The following RYR2 variants were observed in gnomAD, a reference collection of about 807,000 sequenced individuals.
RYR2 encodes the protein ryanodine receptor 2.
A neutral mutation model predicts 601.1 loss-of-function variants in RYR2; 227 were observed. The ratio of observed to expected loss-of-function variants is 0.38; its 90% CI spans 0.34 to 0.42. The LOEUF (loss-of-function observed/expected upper bound fraction) is 0.42, where lower values mean the gene tolerates loss of function less well. Ranked by LOEUF, RYR2 falls within the 10% of genes least tolerant of loss-of-function variation. RYR2 has a pLI of 1.00. For missense variants in RYR2, 4,646 were observed against 6,156.5 expected (o/e 0.75, Z 8.21); for synonymous variants, 2,223 against 2,175.1 (o/e 1.02, Z -0.61).
chr1:237,169,270 G>A (rs187252682), intron 1 of RYR2, among the ~76,000 whole-genome samples: 134 of 150,996 alleles, frequency 8.9e-4, no homozygotes, highest in African/African-American at 3.1e-3. Flanking sequence ...ATATGGATGG[G>A]TTACTCTGTG....
intron 80 of RYR2, among the ~76,000 whole-genome samples, chr1:237,754,246 C>A (rs115282199): frequency 6.6e-6 from 1 of 150,938 alleles, no homozygotes; most frequent in African/African-American, 2.4e-5. Flanking sequence ...AGTGACCTGT[C>A]CAGGGAGTTT....
In RYR2 at chr1:237,594,885, G is replaced by GGTTTTTTTTGTTTTTTTTTTTT. The variant is rs773047111; in HGVS notation, c.4437-604_4437-603insGTTTTTTTTTTTTGTTTTTTTT. 8.9e-5 allele frequency among the ~76,000 whole-genome samples: 7 copies of GGTTTTTTTTGTTTTTTTTTTTT among 79,048 alleles called. 1 individual carries two copies. The highest frequency in any genetic ancestry group is 5.9e-4 in the South Asian group (1 of 1,698). 51.9% of individuals were successfully genotyped at this position (79,048 alleles called of 152,430 possible). A position where few individuals can be genotyped will look rare whatever the true frequency, so the allele number is the denominator to read the frequency against. ...GTGGCATTTGTGGTTAATATCACTG[G>GGTTTTTTTTGTTTTTTTTTTTT]GTTTTTTTTTTTTTTTTTTTTTTTT... On this transcript the variant is annotated intron_variant, in intron 33 of 104. Coordinates refer to ENST00000366574, the MANE Select transcript of RYR2 (RefSeq NM_001035.3).
At chr1:237,386,681 G>A (rs1039434635) in intron 8 of RYR2, among the ~76,000 whole-genome samples, 1 of 152,134 alleles carries the variant, frequency 6.6e-6, no homozygotes, top group African/African-American at 2.4e-5. Context: ...ATTTTAATGT[G>A]TTTCTATTTT....
At chr1:237,392,412 A>G (rs1702461450) in intron 10 of RYR2, among the ~76,000 whole-genome samples, 1 of 151,818 alleles carries the variant, frequency 6.6e-6, no homozygotes, top group African/African-American at 2.4e-5. Context: ...GTATGCCTGA[A>G]TCAAGGCATC....
At chr1:237,704,922 G>A (rs1406211193) in intron 66 of RYR2, among the ~76,000 whole-genome samples, 1 of 152,068 alleles carries the variant, frequency 6.6e-6, no homozygotes, top group Non-Finnish European at 1.5e-5. Context: ...ATCACTAATT[G>A]AAACAGAATT....
intron 1 of RYR2, among the ~76,000 whole-genome samples, chr1:237,227,895 G>A (rs997332405): frequency 2.0e-5 from 3 of 151,850 alleles, no homozygotes; most frequent in Admixed American, 6.6e-5. Flanking sequence ...AAGTGTTTTG[G>A]TCTTTATTTA....
chr1:237,687,788 A>G (rs2148970424), intron 63 of RYR2, among the ~76,000 whole-genome samples: 1 of 152,386 alleles, frequency 6.6e-6, no homozygotes, highest in Admixed American at 6.5e-5. Flanking sequence ...GCCGTATTTT[A>G]TCTCAGGGGT....
chr1:237,476,136 C>G (rs1458629488), intron 17 of RYR2, among the ~76,000 whole-genome samples: 1 of 152,216 alleles, frequency 6.6e-6, no homozygotes, highest in African/African-American at 2.4e-5. Flanking sequence ...AAAGTGGTCT[C>G]TCTTTGGCAT....
chr1:237,284,762 T>A (rs940358058), intron 2 of RYR2, among the ~76,000 whole-genome samples: 10 of 151,248 alleles, frequency 6.6e-5, no homozygotes, highest in East Asian at 5.8e-4. Context: ...TGGGCATTTT[T>A]TTATTATTAT....
At chr1:237,378,380 G>C (rs1049446468) in intron 8 of RYR2, among the ~76,000 whole-genome samples, 37 of 152,186 alleles carry the variant, frequency 2.4e-4, no homozygotes, top group Non-Finnish European at 1.5e-5. Flanking sequence ...CCAGAGAGTA[G>C]TCCAATACAG....
At chr1:237,234,306 G>A (rs1685315971) in intron 1 of RYR2, among the ~76,000 whole-genome samples, 3 of 152,080 alleles carry the variant, frequency 2.0e-5, no homozygotes, top group Admixed American at 1.3e-4. Flanking sequence ...AGGAACCCTC[G>A]AATCTTCCTC....
At position 237,383,680 on chromosome 1, in the gene RYR2, T is replaced by C. The variant is rs533303399; in HGVS notation, c.577-3601T>C. On this transcript the variant is annotated intron_variant, in intron 8 of 104. Transcript: ENST00000366574. Reference sequence around the variant, plus strand: ...TCCTGACCTCGTGATCTGCCCGCCTTGGCCTCCCAAAGTGCTGGGATTACA... The same window carrying C: ...TCCTGACCTCGTGATCTGCCCGCCTCGGCCTCCCAAAGTGCTGGGATTACA... Among the ~76,000 whole-genome samples the C allele has an allele frequency of 1.2e-3, 184 of 152,088 alleles. 1 individual carries two copies. In the South Asian group the frequency reaches 0.014, roughly 11 times the overall value.
At chr1:237,083,887 C>G (rs993785829) in intron 1 of RYR2, among the ~76,000 whole-genome samples, 2 of 152,174 alleles carry the variant, frequency 1.3e-5, no homozygotes, top group African/African-American at 4.8e-5. Flanking sequence ...GCATGAAAAT[C>G]CAGTGTGTAT....
rs1695401957 is a variant in RYR2 at position 237,784,636 on chromosome 1, C to T, written c.12924C>T (p.Ile4308=). The change falls in exon 90 of 105, where the codon ATC becomes ATT. Residue 4308 remains isoleucine (I), a synonymous_variant. Coordinates refer to ENST00000366574, the MANE Select transcript of RYR2 (RefSeq NM_001035.3). This position sits in a 1 kb window ranked among gnomAD's most constrained non-coding sequence, Gnocchi z 7.1. ...GCGTTTTCAGAGGCTTTTTCCGCAT[C>T]ATTTGCAGCCTGCTGCTTGGGGGAA... The part of the protein sequence containing the change: ...VASVFRGFFR[I]ICSLLLGGSL... The T allele has an allele frequency of 6.2e-7, 1 of 1,613,700 alleles. No homozygotes were observed. The highest frequency in any genetic ancestry group is 1.6e-4 in the Middle Eastern group (1 of 6,062).
intron 49 of RYR2, among the ~76,000 whole-genome samples, chr1:237,648,954 A>G (rs1178343113): frequency 6.6e-6 from 1 of 152,182 alleles, no homozygotes; most frequent in Non-Finnish European, 1.5e-5. Flanking sequence ...TCAACTTCCA[A>G]ATTGGCCTAA....
intron 10 of RYR2, among the ~76,000 whole-genome samples, chr1:237,416,763 CAGAGAGAGAG>C (rs60010171): frequency 6.8e-6 from 1 of 147,286 alleles, no homozygotes; most frequent in Non-Finnish European, 1.5e-5. Context: ...CACACACACA[CAGAGAGAGAG>C]AGAGAGAGAG....
chr1:237,313,118 AT>A (rs1285656621), intron 2 of RYR2, among the ~76,000 whole-genome samples: 2 of 152,062 alleles, frequency 1.3e-5, no homozygotes, highest in Non-Finnish European at 2.9e-5. Context: ...CTTATTTTTA[AT>A]TTTAATTTTT....
chr1:237,122,554 C>T (rs1024901970), intron 1 of RYR2, among the ~76,000 whole-genome samples: 6 of 152,246 alleles, frequency 3.9e-5, no homozygotes, highest in South Asian at 2.1e-4. Flanking sequence ...TGGTGGCCTA[C>T]GCCTGTAATC....
At chr1:237,730,512 G>C (rs1413187929) in intron 77 of RYR2, among the ~76,000 whole-genome samples, 156 bp downstream of exon 77, 1 of 152,066 alleles carries the variant, frequency 6.6e-6, no homozygotes, top group East Asian at 1.9e-4. Flanking sequence ...TGCATTCAAT[G>C]CTTATGGGAA....
Sources: allele counts gnomAD v4.1 joint callset (sites outside exome capture counted in the v4.1 genomes callset), GRCh38; gene constraint gnomAD v4.1.1; non-coding constraint Gnocchi (gnomAD v3.1); transcripts MANE v1.5; gene names NCBI Gene and HGNC (gene_info 2026-07-23, HGNC 2026-07-21).